The following HERC1 variants were observed in gnomAD, a reference collection of about 807,000 sequenced individuals.
The protein encoded by HERC1 is HECT and RLD domain containing E3 ubiquitin protein ligase family member 1.
Under a neutral mutation model 554.3 loss-of-function variants are expected in HERC1, and 160 were observed. The ratio of observed to expected loss-of-function variants is 0.29; its 90% CI spans 0.25 to 0.33. The LOEUF is 0.33. Ranked by LOEUF, HERC1 falls within the 10% of genes least tolerant of loss-of-function variation. The pLI is 1.00. For missense variants in HERC1, 4,919 were observed against 5,918.5 expected (o/e 0.83, Z 5.54); for synonymous variants, 2,175 against 2,131.7 (o/e 1.02, Z -0.56).
At chr15:63,721,482 C>G (rs1467956211) in intron 19 of HERC1, among the ~76,000 whole-genome samples, 1 of 151,952 alleles carries the variant, frequency 6.6e-6, no homozygotes, top group Non-Finnish European at 1.5e-5. Context: ...GCTGGGATCA[C>G]GCCACTGCAC....
At chr15:63,644,273 G>A (rs551808336) in intron 57 of HERC1, among the ~76,000 whole-genome samples, 43 of 152,320 alleles carry the variant, frequency 2.8e-4, no homozygotes, top group African/African-American at 1.0e-3. Flanking sequence ...CAAAAGGAAG[G>A]CAACAGAATG....
At chr15:63,773,142 G>A (rs1003053734) in intron 2 of HERC1, among the ~76,000 whole-genome samples, 11 of 152,066 alleles carry the variant, frequency 7.2e-5, no homozygotes, top group African/African-American at 2.2e-4. Flanking sequence ...AAAGGATACC[G>A]AAAAGACTAA....
rs1471722416 is a variant in HERC1, at chr15:63,729,225, A to T, written c.3154+11T>A. 1 of 1,589,170 alleles carries T rather than the reference A, an allele frequency of 6.3e-7. No homozygotes were observed. ...TGACTGATTAAATTTGAAATGAAAT[A>T]CCAAACTCACCTCTTAATTTTTCTC... On this transcript the variant is annotated intron_variant, in intron 16 of 77. Transcript: ENST00000443617.
In HERC1 at chr15:63,635,914, C is replaced by T. The variant is rs752348026; in HGVS notation, c.12414+47G>A. The T allele has an allele frequency of 4.4e-6, 7 of 1,576,248 alleles. No individual in the cohort carries two copies. In the South Asian group the frequency reaches 7.9e-5, roughly 18 times the overall value. ...TAATTTTAAGAAACCTATTCAACAA[C>T]TAGTATATTTACAATGAAAGGCAAA... On this transcript the variant is annotated intron_variant, in intron 65 of 77. Transcript: ENST00000443617.
chr15:63,632,789 A>G lies in HERC1; in HGVS notation c.12716T>C (p.Ile4239Thr), dbSNP rs1449791339. The change falls in exon 68 of 78, where the codon ATT becomes ACT. Residue 4239 changes from isoleucine to threonine, a missense_variant. Ile to Thr is a moderately conservative substitution (Grantham distance 89, BLOSUM62 -1). Transcript: ENST00000443617. ...SPQKIDVLCG[I>T]GIKKVACGTQ... ...TCCACAAGCAACCTTTTTTATTCCA[A>G]TTCCACAAAGGACGTCAATTTTCTA... 4 of 1,566,338 alleles carry G rather than the reference A, an allele frequency of 2.6e-6. No homozygotes were observed. The highest frequency in any genetic ancestry group is 3.5e-6 in the Non-Finnish European group (4 of 1,153,706).
chr15:63,819,952 A>C (rs1007419955), intron 1 of HERC1, among the ~76,000 whole-genome samples: 1 of 152,234 alleles, frequency 6.6e-6, no homozygotes, highest in Non-Finnish European at 1.5e-5. Flanking sequence ...ACGTGCGTTA[A>C]ATAATACATG....
rs142776598 is a variant in HERC1 at position 63,819,921 on chromosome 15, G to A, written c.-27+13906C>T. ...CTTCAAATTCCTTATCTGCAAATAAGGTTTTACCCCATAAGTTTAAACGTG... is the reference window on the plus strand; with the variant it reads ...CTTCAAATTCCTTATCTGCAAATAAAGTTTTACCCCATAAGTTTAAACGTG... On this transcript the variant is annotated intron_variant, in intron 1 of 77. Coordinates refer to ENST00000443617, the MANE Select transcript of HERC1 (RefSeq NM_003922.4). Among the ~76,000 whole-genome samples the A allele has an allele frequency of 2.6e-5, 4 of 152,138 alleles. No homozygotes were observed. In the East Asian group the frequency reaches 7.7e-4, roughly 29 times the overall value.
intron 1 of HERC1, among the ~76,000 whole-genome samples, chr15:63,813,226 T>C (rs541707539): frequency 3.3e-5 from 5 of 151,960 alleles, no homozygotes; most frequent in Non-Finnish European, 7.4e-5. Context: ...TTCTCAAGAA[T>C]TGACTTCAAG....
At chr15:63,630,685 A>C in intron 68 of HERC1, 50 bp from the exon 69 acceptor site, 2 of 1,533,464 alleles carry the variant, frequency 1.3e-6, no homozygotes, top group Non-Finnish European at 1.8e-6. Context: ...ACCACACAAC[A>C]CAGTGCTTTT....
chr15:63,742,602 A>C (rs1164205199), intron 12 of HERC1, among the ~76,000 whole-genome samples: 1 of 152,150 alleles, frequency 6.6e-6, no homozygotes, highest in Non-Finnish European at 1.5e-5. Flanking sequence ...ATTAACTATA[A>C]CTTTTTCATA....
rs374799571 is a variant in HERC1 at position 63,734,623 on chromosome 15, T to G, written c.2646+101A>C. The stretch of plus-strand genomic sequence containing the variant: ...CACAACACATTAACCCATCAAGTAC[T>G]TATGCTCCAAGAACACATGGCAATT... On this transcript the variant is annotated intron_variant, in intron 13 of 77. Transcript: ENST00000443617. This position sits in a 1 kb window ranked among gnomAD's most constrained non-coding sequence, Gnocchi z 4.6. 1 of 1,003,920 alleles carries G rather than the reference T, an allele frequency of 1.0e-6. No individual in the cohort carries two copies. Among genetic ancestry groups the G allele is most frequent in the South Asian group, 1.9e-5 (1 of 53,574 alleles). 62.2% of individuals were successfully genotyped at this position (1,003,920 alleles called of 1,614,324 possible).
chr15:63,611,688 T>C (rs1044175319), intron 77 of HERC1, among the ~76,000 whole-genome samples: 44 of 152,256 alleles, frequency 2.9e-4, no homozygotes, highest in Admixed American at 2.4e-3. Context: ...CTCAGGAAGA[T>C]GCTGGAAGAT....
chr15:63,723,227 C>A lies in HERC1; in HGVS notation c.3697G>T (p.Ala1233Ser). 6.3e-7 allele frequency: 1 copy of A among 1,592,826 alleles called. No homozygotes were observed. The highest frequency in any genetic ancestry group is 8.6e-7 in the Non-Finnish European group (1 of 1,168,898). The change falls in exon 19 of 78, where the codon GCC (alanine) becomes TCC (serine). Residue 1233 changes from alanine (A) to serine (S), a missense_variant. By Grantham distance (99) the Ala-to-Ser change is moderately conservative. Around this residue, in one of 11 missense-constraint regions of HERC1, gnomAD observed 1,121 missense variants for 1,244.0 expected, o/e 0.90. Coordinates refer to ENST00000443617, the MANE Select transcript of HERC1 (RefSeq NM_003922.4). The stretch of plus-strand genomic sequence containing the variant: ...TGCATGCTGATCCAAAGGCTTCGGG[C>A]AGGCTCTTTAGAACAACCCAATGCC... ...DLALGCSKEP[A>S]RSLWISMQDY...
intron 2 of HERC1, among the ~76,000 whole-genome samples, chr15:63,766,670 G>A (rs1238386519): frequency 6.6e-6 from 1 of 152,164 alleles, no homozygotes; most frequent in Non-Finnish European, 1.5e-5. Context: ...AAAGGTTAGG[G>A]GTTTTTTTGT....
rs1384897420 is a variant in HERC1, at chr15:63,755,309, G to A, written c.1550C>T (p.Ser517Leu). Residue 517 changes from serine (S) to leucine (L), a missense_variant, in exon 6 of 78, where the codon TCA (serine) becomes TTA (leucine). Transcript: ENST00000443617. ...AGCAGCACTATGTCTGTATCCAGCT[G>A]ACACACAAACAACTACCTGCATTGC... ...PLQGKVVVCV[S>L]AGYRHSAAVT... The A allele has an allele frequency of 6.2e-7, 1 of 1,613,402 alleles. No homozygotes were observed. Among genetic ancestry groups the A allele is most frequent in the Non-Finnish European group, 8.5e-7 (1 of 1,179,538 alleles).
chr15:63,660,944 A>C, intron 46 of HERC1, 29 bp downstream of exon 46: 1 of 1,409,942 alleles, frequency 7.1e-7, no homozygotes, highest in Non-Finnish European at 1.0e-6. Context: ...AAAAACATGT[A>C]AAATAAAGAA....
rs574939646 is a variant in HERC1 at position 63,803,789 on chromosome 15, A to G, written c.-26-28140T>C. ...TCAGAAACTTGCAAGGCAGGAAGGC[A>G]ATGGACTGAGAATAGCAAAACAATT... On this transcript the variant is annotated intron_variant, in intron 1 of 77. Transcript: ENST00000443617. Among the ~76,000 whole-genome samples the G allele has an allele frequency of 6.6e-5, 10 of 152,370 alleles. No homozygotes were observed. The South Asian group carries it at 8.3e-4, about 13-fold the overall frequency.
intron 12 of HERC1, among the ~76,000 whole-genome samples, chr15:63,744,655 G>A (rs1056097631): frequency 1.3e-5 from 2 of 152,178 alleles, no homozygotes; most frequent in African/African-American, 2.4e-5. Flanking sequence ...AGTATTGCCA[G>A]ACAAGCACCA....
rs755918217 is a variant in HERC1, at chr15:63,756,793, A to G, written c.1222-45T>C. On this transcript the variant is annotated intron_variant, in intron 4 of 77. Transcript: ENST00000443617. This position sits in a 1 kb window ranked among gnomAD's most constrained non-coding sequence, Gnocchi z 5.0. ...AATATAAAATACTTCTGTGAGTATC[A>G]AAGTATAATATTTAAGGCTGGTTTT... is the stretch of plus-strand genomic sequence containing the variant. The G allele has an allele frequency of 2.6e-6, 3 of 1,167,032 alleles. No individual in the cohort carries two copies. Among genetic ancestry groups the G allele is most frequent in the Non-Finnish European group, 3.6e-6 (3 of 841,450 alleles). 72.3% of individuals were successfully genotyped at this position (1,167,032 alleles called of 1,614,324 possible). A position where few individuals can be genotyped will look rare whatever the true frequency, so the allele number is the denominator to read the frequency against.
Sources: allele counts gnomAD v4.1 joint callset (sites outside exome capture counted in the v4.1 genomes callset), GRCh38; gene constraint gnomAD v4.1.1; regional missense constraint gnomAD v4.1.1; non-coding constraint Gnocchi (gnomAD v3.1); transcripts MANE v1.5; gene names NCBI Gene and HGNC (gene_info 2026-07-23, HGNC 2026-07-21).